Variants in ODAD2 observed in about 807,000 individuals in gnomAD.
ODAD2 encodes the protein outer dynein arm docking complex subunit 2, also known as outer dynein arm-docking complex subunit 2.
ODAD2 carries 89 observed loss-of-function variants against 106.8 expected under a neutral mutation model. The observed-to-expected ratio is 0.83, with a 90% CI of 0.70 to 0.99. ODAD2 has a LOEUF of 0.99. ODAD2 is among the 50% of genes least tolerant of loss of function. The pLI, the probability that ODAD2 is intolerant of heterozygous loss-of-function variation, is 0.00. For missense variants in ODAD2, 1,168 were observed against 1,238.5 expected, an observed-to-expected ratio of 0.94 and a Z score of 0.85; for synonymous variants, 404 against 436.2, an observed-to-expected ratio of 0.93 and a Z score of 0.92.
rs566244073 is a variant in ODAD2 at position 27,973,492 on chromosome 10, C to T, written c.937-2179G>A. 3.3e-5 allele frequency among the ~76,000 whole-genome samples: 5 copies of T among 152,232 alleles called. No homozygotes were observed. The South Asian group carries it at 1.0e-3, about 32-fold the overall frequency. On this transcript the variant is annotated intron_variant, in intron 7 of 19. Coordinates refer to ENST00000305242, the MANE Select transcript of ODAD2 (RefSeq NM_018076.5). ...TTCTGATCTTCTCCCTCCTCCCACCCTCCAATCTCAAGTAGGCCCCAGGGT... is the reference window on the plus strand; with the variant it reads ...TTCTGATCTTCTCCCTCCTCCCACCTTCCAATCTCAAGTAGGCCCCAGGGT...
intron 17 of ODAD2, among the ~76,000 whole-genome samples, chr10:27,876,108 C>T (rs1022812249): frequency 6.6e-6 from 1 of 152,162 alleles, no homozygotes; most frequent in Non-Finnish European, 1.5e-5. Context: ...CTGTAGACTC[C>T]ACATCTGGGG....
At chr10:27,872,541 A>G (rs1297661192) in intron 17 of ODAD2, among the ~76,000 whole-genome samples, 1 of 152,200 alleles carries the variant, frequency 6.6e-6, no homozygotes, top group East Asian at 1.9e-4. Context: ...TCAATACCTA[A>G]TTTATTGAGA....
At chr10:27,872,876 G>A (rs80340487) in intron 17 of ODAD2, among the ~76,000 whole-genome samples, 4 of 152,150 alleles carry the variant, frequency 2.6e-5, no homozygotes, top group African/African-American at 9.7e-5. Flanking sequence ...CTCATAAAAT[G>A]AGTTAGAGAG....
Position 27,935,076 on chromosome 10 carries a change from T to C in ODAD2, c.2429A>G (p.Asn810Ser). The change falls in exon 16 of 20, where the codon AAC (asparagine) becomes AGC (serine). Residue 810 changes from asparagine (N) to serine (S), a missense_variant. Around this residue, in one of 3 missense-constraint regions of ODAD2, gnomAD observed 701 missense variants for 712.3 expected, o/e 0.98. Coordinates refer to ENST00000305242, the MANE Select transcript of ODAD2 (RefSeq NM_018076.5). ...TGTAACATTCACAAGAAGAGCTTGG[T>C]TTATTCCAACAAGGAGGTTCACAAG... ...QPLVNLLVGI[N>S]QALLVNVTKA... 5 of 1,613,962 alleles carry C rather than the reference T, an allele frequency of 3.1e-6. No homozygotes were observed. The highest frequency in any genetic ancestry group is 4.2e-6 in the Non-Finnish European group (5 of 1,179,894).
At chr10:27,930,547 A>C (rs1331576373) in intron 16 of ODAD2, among the ~76,000 whole-genome samples, 1 of 151,734 alleles carries the variant, frequency 6.6e-6, no homozygotes, top group Non-Finnish European at 1.5e-5. Flanking sequence ...GAATGGCGTG[A>C]ACCCGGGAGG....
intron 19 of ODAD2, among the ~76,000 whole-genome samples, chr10:27,822,632 C>T (rs1408896675): frequency 6.6e-6 from 1 of 152,200 alleles, no homozygotes; most frequent in Non-Finnish European, 1.5e-5. Context: ...CATCCAGACT[C>T]TGAGCCTCGG....
chr10:27,881,018 A>G (rs1841669852), intron 17 of ODAD2, among the ~76,000 whole-genome samples: 1 of 152,194 alleles, frequency 6.6e-6, no homozygotes, highest in Non-Finnish European at 1.5e-5. Context: ...AGCATCCATC[A>G]CTATCAGCAA....
intron 19 of ODAD2, among the ~76,000 whole-genome samples, chr10:27,829,570 C>T (rs998244718): frequency 6.6e-6 from 1 of 152,072 alleles, no homozygotes; most frequent in Non-Finnish European, 1.5e-5. Flanking sequence ...TAACTTATTT[C>T]TAACAGGACT....
intron 17 of ODAD2, among the ~76,000 whole-genome samples, chr10:27,894,587 T>A (rs916336282): frequency 1.3e-5 from 2 of 151,970 alleles, no homozygotes; most frequent in African/African-American, 4.8e-5. Flanking sequence ...TTAAAAGAAA[T>A]TTTTTTTGAG....
At chr10:27,984,932 C>T in intron 4 of ODAD2, 87 bp downstream of exon 4, 1 of 647,958 alleles carries the variant, frequency 1.5e-6, no homozygotes, top group Non-Finnish European at 2.4e-6. Context: ...TATTTTGAGA[C>T]AGAGTCTTGC....
At chr10:27,846,240 A>G (rs1838740811) in intron 19 of ODAD2, among the ~76,000 whole-genome samples, 1 of 152,174 alleles carries the variant, frequency 6.6e-6, no homozygotes, top group African/African-American at 2.4e-5. Flanking sequence ...ACCACAGTGC[A>G]ATCAAACTAG....
chr10:27,842,426 A>G (rs1168188371), intron 19 of ODAD2, among the ~76,000 whole-genome samples: 2 of 152,218 alleles, frequency 1.3e-5, no homozygotes, highest in Non-Finnish European at 2.9e-5. Context: ...TTCTTGACCA[A>G]ACTTTTCAAG....
intron 7 of ODAD2, among the ~76,000 whole-genome samples, chr10:27,978,512 G>T (rs1162873542): frequency 2.6e-5 from 4 of 152,172 alleles, no homozygotes; most frequent in Non-Finnish European, 5.9e-5. Flanking sequence ...GAAAACTGGA[G>T]CCGGGCATGG....
At chr10:27,900,797 A>T (rs1198559751) in intron 17 of ODAD2, among the ~76,000 whole-genome samples, 1 of 152,210 alleles carries the variant, frequency 6.6e-6, no homozygotes, top group Non-Finnish European at 1.5e-5. Flanking sequence ...GAAGCCTCCA[A>T]GAAATATGGG....
intron 16 of ODAD2, among the ~76,000 whole-genome samples, chr10:27,909,934 TAAGTTAGA>T (rs1843883400): frequency 6.6e-6 from 1 of 151,848 alleles, no homozygotes; most frequent in South Asian, 2.1e-4. Flanking sequence ...TCAGGAGTAG[TAAGTTAGA>T]ATTTAACTTT....
At chr10:27,988,028 G>A (rs572443696) in intron 2 of ODAD2, among the ~76,000 whole-genome samples, 1 of 149,544 alleles carries the variant, frequency 6.7e-6, no homozygotes, top group South Asian at 2.1e-4. Context: ...AAAGCAAACT[G>A]AAGGCAAACT....
At chr10:27,899,084 A>G (rs1212151011) in intron 17 of ODAD2, among the ~76,000 whole-genome samples, 4 of 152,034 alleles carry the variant, frequency 2.6e-5, no homozygotes, top group African/African-American at 9.7e-5. Flanking sequence ...AAAGTGGGTG[A>G]TTTCTGCATT....
At chr10:27,904,689 G>A (rs1236719751) in intron 17 of ODAD2, among the ~76,000 whole-genome samples, 3 of 152,116 alleles carry the variant, frequency 2.0e-5, no homozygotes, top group Non-Finnish European at 4.4e-5. Context: ...TAGCCCATAG[G>A]GCTAGCCCAT....
At chr10:27,895,725 C>A (rs912215161) in intron 17 of ODAD2, among the ~76,000 whole-genome samples, 4 of 152,228 alleles carry the variant, frequency 2.6e-5, no homozygotes, top group African/African-American at 4.8e-5. Flanking sequence ...ACGCAAAGTG[C>A]TATTAATAGA....
Sources: gnomAD v4.1 joint callset for allele counts (sites outside exome capture counted in the v4.1 genomes callset) on GRCh38, gnomAD v4.1.1 for gene constraint, gnomAD v4.1.1 regional missense constraint, MANE v1.5 for transcripts, NCBI Gene and HGNC (gene_info 2026-07-23, HGNC 2026-07-21) for gene names.